The following CKAP5 variants were observed in gnomAD, a reference collection of about 807,000 sequenced individuals.
CKAP5 encodes the protein cytoskeleton associated protein 5.
In CKAP5, 27 loss-of-function variants were observed where a neutral mutation model predicts 232.8. The observed-to-expected ratio is 0.12, with a 90% CI of 0.09 to 0.16. The LOEUF is 0.16. Among genes scored for constraint, CKAP5 ranks in the 10% least tolerant of loss-of-function variants. The probability of loss-of-function intolerance (pLI) is 1.00; values close to 1 mark genes in which losing one functional copy is unlikely to be tolerated. For missense variants in CKAP5, 1,838 were observed against 2,424.7 expected (o/e 0.76, Z 5.08); for synonymous variants, 785 against 841.1 (o/e 0.93, Z 1.16).
At chr11:46,828,253 G>C (rs867078852) in intron 1 of CKAP5, among the ~76,000 whole-genome samples, 2 of 151,894 alleles carry the variant, frequency 1.3e-5, no homozygotes, top group Non-Finnish European at 2.9e-5. Context: ...TCCTTACTTG[G>C]GTGGGGGCGG....
intron 1 of CKAP5, among the ~76,000 whole-genome samples, chr11:46,832,159 C>T (rs1401955482): frequency 1.3e-5 from 2 of 151,968 alleles, no homozygotes; most frequent in Non-Finnish European, 1.5e-5. Context: ...TGCGCCTGGT[C>T]TTATAAAGAA....
chr11:46,779,165 G>C (rs1290635762), intron 20 of CKAP5, among the ~76,000 whole-genome samples: 1 of 151,894 alleles, frequency 6.6e-6, no homozygotes, highest in African/African-American at 2.4e-5. Flanking sequence ...ACAGAATCTT[G>C]CTCTGTCACC....
chr11:46,843,461 T>C (rs918932840), intron 1 of CKAP5, among the ~76,000 whole-genome samples: 3 of 151,994 alleles, frequency 2.0e-5, no homozygotes, highest in African/African-American at 2.4e-5. Flanking sequence ...CCAGGCGTAG[T>C]GGTTCACGCC....
chr11:46,808,322 A>G (rs1471746582), intron 7 of CKAP5, among the ~76,000 whole-genome samples, 178 bp from the exon 8 acceptor site: 1 of 152,212 alleles, frequency 6.6e-6, no homozygotes, highest in Non-Finnish European at 1.5e-5. Flanking sequence ...AGGGCAGATC[A>G]TGAGGTCAGG....
rs192788203 is a variant in CKAP5, at chr11:46,758,088, T to C, written c.4689+835A>G. 2.8e-3 allele frequency among the ~76,000 whole-genome samples: 421 copies of C among 152,244 alleles called. 2 individuals are homozygous for C. The highest frequency in any genetic ancestry group is 9.6e-3 in the African/African-American group (399 of 41,544). ...TTTTAAAAAATTTCTAATGGTTTCC[T>C]ATCATAATTGAAATAAAATCCAAAC... On this transcript the variant is annotated intron_variant, in intron 35 of 43. Coordinates refer to ENST00000529230, the MANE Select transcript of CKAP5 (RefSeq NM_001008938.4).
At chr11:46,845,645 G>A (rs1004413118) in intron 1 of CKAP5, among the ~76,000 whole-genome samples, 8 of 152,162 alleles carry the variant, frequency 5.3e-5, no homozygotes, top group Admixed American at 5.2e-4. Flanking sequence ...ACACCAGAAC[G>A]CTCCCGACAC....
At chr11:46,809,200 A>G (rs968747559) in intron 7 of CKAP5, among the ~76,000 whole-genome samples, 200 bp downstream of exon 7, 1 of 152,206 alleles carries the variant, frequency 6.6e-6, no homozygotes, top group Non-Finnish European at 1.5e-5. Context: ...TTATGGCAAG[A>G]CATGTTTTAA....
intron 5 of CKAP5, 31 bp from the exon 6 acceptor site, chr11:46,809,905 T>G: frequency 6.3e-7 from 1 of 1,579,848 alleles, no homozygotes. Flanking sequence ...TTAAATAATA[T>G]CTGCATCTCC....
intron 24 of CKAP5, 101 bp from the exon 25 acceptor site, chr11:46,771,083 GC>G: frequency 1.1e-6 from 1 of 938,592 alleles, no homozygotes; most frequent in East Asian, 2.5e-5. Context: ...CACTGAATTA[GC>G]TTTCACACTA....
chr11:46,787,163 A>C (rs1182664277), intron 16 of CKAP5, among the ~76,000 whole-genome samples: 3 of 152,170 alleles, frequency 2.0e-5, no homozygotes, highest in Non-Finnish European at 4.4e-5. Context: ...TTCTCAAAAA[A>C]AAAGAAGGTG....
intron 42 of CKAP5, among the ~76,000 whole-genome samples, chr11:46,745,817 T>G (rs1159247315): frequency 6.6e-6 from 1 of 151,920 alleles, no homozygotes; most frequent in Non-Finnish European, 1.5e-5. Flanking sequence ...CTGGGGGTGG[T>G]GGCACACACC....
At chr11:46,795,260 G>A (rs1295045892) in intron 13 of CKAP5, among the ~76,000 whole-genome samples, 2 of 151,792 alleles carry the variant, frequency 1.3e-5, no homozygotes, top group Non-Finnish European at 2.9e-5. Context: ...CCTGGGAGGC[G>A]GAGGTTGCAG....
At chr11:46,799,845 A>T (rs551346522) in intron 9 of CKAP5, among the ~76,000 whole-genome samples, 1 of 152,258 alleles carries the variant, frequency 6.6e-6, no homozygotes, top group East Asian at 1.9e-4. Flanking sequence ...CCAAAAATAC[A>T]AAAAGTACTC....
In CKAP5 at chr11:46,769,445, C is replaced by T. The variant is rs191286155; in HGVS notation, c.3322+518G>A. ...GTGTGGTGGTTCAAGCCTGTAAGTCCAGCACTTTAGGAGACTGAGATGGGA... is the reference window on the plus strand; with the variant it reads ...GTGTGGTGGTTCAAGCCTGTAAGTCTAGCACTTTAGGAGACTGAGATGGGA... On this transcript the variant is annotated intron_variant, in intron 26 of 43. Transcript: ENST00000529230. 2.8e-3 allele frequency among the ~76,000 whole-genome samples: 420 copies of T among 152,070 alleles called. 2 individuals carry two copies. The highest frequency in any genetic ancestry group is 9.6e-3 in the African/African-American group (398 of 41,498).
intron 38 of CKAP5, among the ~76,000 whole-genome samples, chr11:46,752,225 C>CAT (rs760105607): frequency 0.053 from 7,087 of 132,580 alleles, 214 homozygotes; most frequent in Middle Eastern, 0.071. Flanking sequence ...CACACACACA[C>CAT]ACACACACGT....
intron 11 of CKAP5, 39 bp from the exon 12 acceptor site, chr11:46,796,979 G>A (rs753843308): frequency 5.6e-6 from 9 of 1,607,322 alleles, no homozygotes; most frequent in Non-Finnish European, 7.7e-6. Context: ...TTAATGCAAG[G>A]TATTTTAGGC....
At chr11:46,746,841 C>T (rs1280401660) in intron 42 of CKAP5, among the ~76,000 whole-genome samples, 1 of 152,224 alleles carries the variant, frequency 6.6e-6, no homozygotes, top group Non-Finnish European at 1.5e-5. Flanking sequence ...AATTTTTCAG[C>T]TCCAGCTGGG....
intron 3 of CKAP5, 57 bp downstream of exon 3, chr11:46,818,253 C>T (rs1207418667): frequency 3.0e-6 from 4 of 1,344,810 alleles, no homozygotes; most frequent in Middle Eastern, 2.0e-4. Flanking sequence ...TACAAACATA[C>T]ATTATGTAAC....
chr11:46,767,085 G>C (rs974088231), intron 27 of CKAP5, among the ~76,000 whole-genome samples: 7 of 151,260 alleles, frequency 4.6e-5, no homozygotes, highest in African/African-American at 1.5e-4. Flanking sequence ...GCAATGGCGA[G>C]ATATTGGCTC....
Sources: gnomAD v4.1 joint callset for allele counts (sites outside exome capture counted in the v4.1 genomes callset) on GRCh38, gnomAD v4.1.1 for gene constraint, MANE v1.5 for transcripts, NCBI Gene and HGNC (gene_info 2026-07-23, HGNC 2026-07-21) for gene names.